Variants in CLEC16A observed in about 807,000 individuals in gnomAD.
The protein encoded by CLEC16A is protein CLEC16A.
A neutral mutation model predicts 109.5 loss-of-function variants in CLEC16A; 51 were observed. The ratio of observed to expected loss-of-function variants is 0.47; its 90% CI spans 0.37 to 0.59. The LOEUF (loss-of-function observed/expected upper bound fraction) is 0.59. Among genes scored for constraint, CLEC16A ranks in the 20% least tolerant of loss-of-function variants. CLEC16A has a pLI of 0.00. For synonymous variants in CLEC16A, 673 were observed against 564.2 expected, an observed-to-expected ratio of 1.19 and a Z score of -2.73; for missense variants, 1,339 against 1,394.0, an observed-to-expected ratio of 0.96 and a Z score of 0.63.
chr16:10,985,420 G>A lies in CLEC16A; in HGVS notation c.1071+2429G>A, dbSNP rs570609625. On this transcript the variant is annotated intron_variant, in intron 10 of 23. Coordinates refer to ENST00000409790, the MANE Select transcript of CLEC16A (RefSeq NM_015226.3). ...GTCCCCATCAATGCACGTTTCTACG[G>A]GAAGCTTCGCAGAGCCTGCCCCCAT... 5.9e-5 allele frequency among the ~76,000 whole-genome samples: 9 copies of A among 152,074 alleles called. No homozygotes were observed. In the East Asian group the frequency reaches 1.7e-3, roughly 29 times the overall value.
chr16:11,172,432 G>T (rs2068561586), intron 23 of CLEC16A, among the ~76,000 whole-genome samples: 1 of 152,204 alleles, frequency 6.6e-6, no homozygotes, highest in Non-Finnish European at 1.5e-5. Flanking sequence ...ACACCTCTGA[G>T]CTCCAGATTA....
At chr16:10,950,822 G>C (rs758246433) in intron 1 of CLEC16A, among the ~76,000 whole-genome samples, 37 of 152,292 alleles carry the variant, frequency 2.4e-4, no homozygotes, top group Admixed American at 2.0e-4. Flanking sequence ...GTGGACATTG[G>C]GGGGTAAATT....
chr16:11,024,824 C>A lies in CLEC16A; in HGVS notation c.1440C>A (p.Pro480=), dbSNP rs777919389. The change falls in exon 13 of 24, where the codon CCC becomes CCA. Residue 480 remains proline (P), a synonymous_variant. Coordinates refer to ENST00000409790, the MANE Select transcript of CLEC16A (RefSeq NM_015226.3). ...TCSESTQWSR[P]FLDMVYHALD... is the part of the protein sequence containing the mutation. The stretch of plus-strand genomic sequence containing the variant: ...ACATGCCCCTCCTCTTTTCCAGACC[C>A]TTCCTGGATATGGTGTACCACGCGC... 2 of 1,597,248 alleles carry A rather than the reference C, an allele frequency of 1.3e-6. No individual in the cohort carries two copies. Among genetic ancestry groups the A allele is most frequent in the Non-Finnish European group, 1.7e-6 (2 of 1,171,452 alleles).
intron 19 of CLEC16A, among the ~76,000 whole-genome samples, chr16:11,063,261 GT>G (rs1223465600): frequency 2.1e-5 from 3 of 142,414 alleles, no homozygotes; most frequent in Non-Finnish European, 4.6e-5. Flanking sequence ...GGTTTATTTG[GT>G]TTTTTTCTTC....
chr16:11,016,501 A>G (rs2045762603), intron 11 of CLEC16A, among the ~76,000 whole-genome samples: 1 of 151,858 alleles, frequency 6.6e-6, no homozygotes, highest in Admixed American at 6.6e-5. Flanking sequence ...GGCGCCCGCC[A>G]CCACACCCAG....
intron 12 of CLEC16A, among the ~76,000 whole-genome samples, chr16:11,022,269 G>C (rs977126542): frequency 2.6e-5 from 4 of 151,044 alleles, no homozygotes; most frequent in African/African-American, 9.8e-5. Context: ...GTAAGAAACT[G>C]CCACTGCCCT....
Position 11,051,557 on chromosome 16 carries a change from C to T in CLEC16A, c.1911C>T (p.Ile637=). ...NVEYLMMDAS[I]LLPPTGTPLT... The stretch of plus-strand genomic sequence containing the variant: ...AATATCTCATGATGGACGCCTCCAT[C>T]CTGCTGCCCCCAACAGGCACGCCAC... The change falls in exon 18 of 24, where the codon ATC becomes ATT. Residue 637 remains isoleucine, a synonymous_variant. Transcript: ENST00000409790. The T allele has an allele frequency of 1.2e-6, 2 of 1,614,056 alleles. No individual in the cohort carries two copies. Among genetic ancestry groups the T allele is most frequent in the Non-Finnish European group, 1.7e-6 (2 of 1,179,878 alleles).
chr16:11,086,305 G>C (rs191582229), intron 19 of CLEC16A, among the ~76,000 whole-genome samples: 85 of 152,258 alleles, frequency 5.6e-4, no homozygotes, highest in African/African-American at 1.9e-3. Flanking sequence ...ATCCCCACTC[G>C]CTACCTCTGT....
chr16:11,169,041 C>T (rs2068394255), intron 23 of CLEC16A, among the ~76,000 whole-genome samples: 1 of 152,214 alleles, frequency 6.6e-6, no homozygotes, highest in Non-Finnish European at 1.5e-5. Context: ...CCTCCAAGCT[C>T]ATTCATCCTA....
chr16:11,176,422 T>C (rs1237889645), intron 23 of CLEC16A, among the ~76,000 whole-genome samples: 1 of 152,070 alleles, frequency 6.6e-6, no homozygotes, highest in Non-Finnish European at 1.5e-5. Context: ...TCTCTCTCTT[T>C]TAAAAAAGAC....
chr16:10,999,807 G>A (rs1334849979), intron 10 of CLEC16A, among the ~76,000 whole-genome samples: 2 of 151,878 alleles, frequency 1.3e-5, no homozygotes, highest in East Asian at 1.9e-4. Flanking sequence ...GATGTTCACC[G>A]TTTCGGCACT....
chr16:11,122,680 C>T (rs1485435565), intron 20 of CLEC16A, among the ~76,000 whole-genome samples: 11 of 152,170 alleles, frequency 7.2e-5, no homozygotes, highest in Admixed American at 3.3e-4. Flanking sequence ...GTTGTCCCCA[C>T]CTCCTTTAAC....
chr16:10,974,934 G>A (rs1014141611), intron 7 of CLEC16A, among the ~76,000 whole-genome samples: 1 of 152,220 alleles, frequency 6.6e-6, no homozygotes, highest in Non-Finnish European at 1.5e-5. Flanking sequence ...ATAACAGGAG[G>A]TCAATAGATA....
At chr16:11,059,594 G>T (rs1383760180) in intron 18 of CLEC16A, among the ~76,000 whole-genome samples, 1 of 152,032 alleles carries the variant, frequency 6.6e-6, no homozygotes, top group Non-Finnish European at 1.5e-5. Context: ...TCTAGTTTTG[G>T]GAGGCACACT....
chr16:11,135,684 G>A (rs768888832), intron 22 of CLEC16A, among the ~76,000 whole-genome samples: 1 of 152,242 alleles, frequency 6.6e-6, no homozygotes, highest in Non-Finnish European at 1.5e-5. Flanking sequence ...GCAGTAGGTG[G>A]GGGGAGAGAA....
chr16:11,159,719 G>GT (rs543380944), intron 22 of CLEC16A, among the ~76,000 whole-genome samples: 4 of 120,976 alleles, frequency 3.3e-5, no homozygotes, highest in Non-Finnish European at 7.3e-5. Flanking sequence ...TAGATCGCCT[G>GT]TTTTTTTCCC....
In CLEC16A at chr16:11,003,236, G is replaced by A; in HGVS notation, c.1234G>A (p.Glu412Lys). Residue 412 changes from glutamate to lysine, a missense_variant, in exon 11 of 24, where the codon GAA becomes AAA. By Grantham distance (56) the Glu-to-Lys change is moderately conservative (BLOSUM62 1). Coordinates refer to ENST00000409790, the MANE Select transcript of CLEC16A (RefSeq NM_015226.3). ...GAAAGGGCCCACCGAGGATGCCCAA[G>A]AAGACGCCGAGAAGGCTAAAGGTAC... Reference protein sequence around the residue: ...EEKGPTEDAQEDAEKAKGTEG... With the variant: ...EEKGPTEDAQKDAEKAKGTEG... The A allele has an allele frequency of 6.2e-7, 1 of 1,613,320 alleles. No homozygotes were observed. The highest frequency in any genetic ancestry group is 8.5e-7 in the Non-Finnish European group (1 of 1,179,834).
chr16:10,948,884 A>G (rs967738671), intron 1 of CLEC16A, among the ~76,000 whole-genome samples: 2 of 152,174 alleles, frequency 1.3e-5, no homozygotes, highest in African/African-American at 2.4e-5. Context: ...CTGAGGAAAA[A>G]GAGAGCTTCT....
chr16:11,106,753 C>G (rs1434193896), intron 19 of CLEC16A, among the ~76,000 whole-genome samples: 2 of 152,074 alleles, frequency 1.3e-5, no homozygotes, highest in Non-Finnish European at 2.9e-5. Context: ...CCCTTCTCCC[C>G]AAATACTCCA....
Sources: gnomAD v4.1 joint callset for allele counts (sites outside exome capture counted in the v4.1 genomes callset) on GRCh38, gnomAD v4.1.1 for gene constraint, MANE v1.5 for transcripts, NCBI Gene and HGNC (gene_info 2026-07-23, HGNC 2026-07-21) for gene names.